MBD5: variants seen among roughly 807,000 people sequenced by gnomAD.
MBD5 encodes methyl-CpG binding domain protein 5.
A neutral mutation model predicts 117.3 loss-of-function variants in MBD5; 13 were observed. That is an observed-to-expected ratio of 0.11 (90% CI 0.07 to 0.18). The LOEUF (loss-of-function observed/expected upper bound fraction) is 0.18, where lower values mean the gene tolerates loss of function less well. MBD5 is among the 10% of genes least tolerant of loss of function. The probability of loss-of-function intolerance (pLI) is 1.00; values close to 1 mark genes in which losing one functional copy is unlikely to be tolerated. For missense variants in MBD5, 1,879 were observed against 2,093.8 expected (o/e 0.90, Z 2.00); for synonymous variants, 727 against 766.4 (o/e 0.95, Z 0.85).
Position 148,510,988 on chromosome 2 carries a change from T to C in MBD5, c.5112+853T>C, listed in dbSNP as rs368071430. ...GACAGCAGTTGGAATGGATGAGAAA[T>C]GCCAGTGAAGATCCATGGGTTAGGG... On this transcript the variant is annotated intron_variant, in intron 13 of 13. Transcript: ENST00000642680. Among the ~76,000 whole-genome samples the C allele has an allele frequency of 5.9e-5, 9 of 152,240 alleles. No homozygotes were observed. In the East Asian group the frequency reaches 1.7e-3, roughly 29 times the overall value.
chr2:148,280,146 A>AAAC (rs1553493547), intron 3 of MBD5, among the ~76,000 whole-genome samples: 6 of 150,526 alleles, frequency 4.0e-5, no homozygotes, highest in Non-Finnish European at 5.9e-5. Flanking sequence ...AAAAAAAAAA[A>AAAC]AAAACAAAAA....
intron 2 of MBD5, among the ~76,000 whole-genome samples, chr2:148,182,557 C>T (rs748316165): frequency 3.9e-5 from 6 of 152,156 alleles, no homozygotes; most frequent in Non-Finnish European, 5.9e-5. Flanking sequence ...ATGAGATGTG[C>T]ATGTTTGCTC....
intron 4 of MBD5, among the ~76,000 whole-genome samples, chr2:148,413,231 T>A (rs1705317564): frequency 6.6e-6 from 1 of 152,188 alleles, no homozygotes; most frequent in South Asian, 2.1e-4. Context: ...CATGTGAATT[T>A]TATTTTTAGT....
intron 4 of MBD5, among the ~76,000 whole-genome samples, chr2:148,450,567 T>C (rs1008363966): frequency 6.6e-6 from 1 of 152,186 alleles, no homozygotes; most frequent in Admixed American, 6.6e-5. Flanking sequence ...TCTCTTTACA[T>C]GGTCTCTCAT....
At chr2:148,045,866 C>A (rs1694510962) in intron 1 of MBD5, among the ~76,000 whole-genome samples, 1 of 151,798 alleles carries the variant, frequency 6.6e-6, no homozygotes, top group African/African-American at 2.4e-5. Flanking sequence ...CCCTCTTAAT[C>A]CTAGAATGGA....
intron 1 of MBD5, among the ~76,000 whole-genome samples, chr2:148,077,134 C>T (rs1695528968): frequency 6.6e-6 from 1 of 152,214 alleles, no homozygotes; most frequent in African/African-American, 2.4e-5. Context: ...AAATTTGAAG[C>T]TCTTCAAACT....
chr2:148,265,792 G>A (rs780016948), intron 3 of MBD5, among the ~76,000 whole-genome samples: 2 of 152,034 alleles, frequency 1.3e-5, no homozygotes, highest in Non-Finnish European at 2.9e-5. Context: ...TTTGTTCAAC[G>A]AGTATTTTTG....
At chr2:148,077,862 T>G (rs1449502383) in intron 1 of MBD5, among the ~76,000 whole-genome samples, 3 of 152,110 alleles carry the variant, frequency 2.0e-5, no homozygotes, top group Non-Finnish European at 4.4e-5. Context: ...ATACATAATA[T>G]ACTCTCATAT....
rs564178969 is a variant in MBD5, at chr2:148,319,982, G to A, written c.-679-22232G>A. 5.3e-4 allele frequency among the ~76,000 whole-genome samples: 81 copies of A among 152,220 alleles called. 1 individual carries two copies. Among genetic ancestry groups the A allele is most frequent in the African/African-American group, 1.9e-3 (81 of 41,544 alleles). On this transcript the variant is annotated intron_variant, in intron 3 of 13. Coordinates refer to ENST00000642680, the MANE Select transcript of MBD5 (RefSeq NM_001378120.1). Reference sequence around the variant, plus strand: ...TCATGAAGGGATGCTGAATTTTATTGAATGCCTTTTCTGCATCTATTAAGA... The same window carrying A: ...TCATGAAGGGATGCTGAATTTTATTAAATGCCTTTTCTGCATCTATTAAGA...
intron 1 of MBD5, among the ~76,000 whole-genome samples, chr2:148,162,744 A>G (rs1698039283): frequency 6.6e-6 from 1 of 152,214 alleles, no homozygotes; most frequent in Non-Finnish European, 1.5e-5. Context: ...AAAAAAGAAT[A>G]TAATTCTAAC....
At chr2:148,502,335 C>T (rs1347185994) in intron 11 of MBD5, 101 bp from the exon 12 acceptor site, 1 of 1,024,788 alleles carries the variant, frequency 9.8e-7, no homozygotes, top group Non-Finnish European at 1.5e-6. Flanking sequence ...AGGCTCCCCT[C>T]CCCGCCAGTG....
At chr2:148,179,218 G>A (rs1698460911) in intron 2 of MBD5, among the ~76,000 whole-genome samples, 1 of 151,982 alleles carries the variant, frequency 6.6e-6, no homozygotes, top group Non-Finnish European at 1.5e-5. Flanking sequence ...AGGCGGGCGT[G>A]GTGGCAGGCG....
At chr2:148,348,536 A>G (rs1446454921) in intron 4 of MBD5, among the ~76,000 whole-genome samples, 1 of 152,078 alleles carries the variant, frequency 6.6e-6, no homozygotes, top group Non-Finnish European at 1.5e-5. Flanking sequence ...TTGCTGCTAC[A>G]TAAATTATAG....
chr2:148,212,997 A>T (rs1699463853), intron 2 of MBD5, among the ~76,000 whole-genome samples: 1 of 152,178 alleles, frequency 6.6e-6, no homozygotes, highest in Non-Finnish European at 1.5e-5. Flanking sequence ...TCTACATGAT[A>T]ACAGTGGCTT....
At position 148,069,662 on chromosome 2, in the gene MBD5, T is replaced by C. The variant is rs113539649; in HGVS notation, c.-925+47978T>C. On this transcript the variant is annotated intron_variant, in intron 1 of 13. Transcript: ENST00000642680. ...ACTTTTCCCTGACCTTTTTAATGTC[T>C]TAATTAATTAATTAATTAATTAAAA... is the stretch of plus-strand genomic sequence containing the variant. Among the ~76,000 whole-genome samples the C allele has an allele frequency of 3.0e-3, 433 of 144,124 alleles. 1 individual carries two copies. The highest frequency in any genetic ancestry group is 0.012 in the African/African-American group (423 of 36,068). The allele number at this position is 144,124 out of a possible 152,430, so 94.6% of individuals were successfully genotyped here. A position where few individuals can be genotyped will look rare whatever the true frequency, so the allele number is the denominator to read the frequency against.
chr2:148,263,765 T>A (rs190445142), intron 3 of MBD5, among the ~76,000 whole-genome samples: 253 of 152,310 alleles, frequency 1.7e-3, no homozygotes, highest in African/African-American at 5.8e-3. Context: ...AAATCCTACA[T>A]TAGTGTGTCT....
chr2:148,338,348 A>G (rs2105113757), intron 3 of MBD5, among the ~76,000 whole-genome samples: 1 of 152,254 alleles, frequency 6.6e-6, no homozygotes, highest in African/African-American at 2.4e-5. Flanking sequence ...TTTAATCTAA[A>G]AAAAAAAATT....
Position 148,483,951 on chromosome 2 carries a change from C to G in MBD5, c.3360C>G (p.Thr1120=), listed in dbSNP as rs1396716051. The G allele has an allele frequency of 6.4e-7, 1 of 1,550,486 alleles. No individual in the cohort carries two copies. Among genetic ancestry groups the G allele is most frequent in the Admixed American group, 2.0e-5 (1 of 50,990 alleles). The change falls in exon 9 of 14, where the codon ACC becomes ACG. Residue 1120 remains threonine (T), a synonymous_variant. Coordinates refer to ENST00000642680, the MANE Select transcript of MBD5 (RefSeq NM_001378120.1). ...ATSSQATTTT[T]TTSSAVAALT... ...CCTCCCAGGCAACCACTACCACAAC[C>G]ACTACATCATCAGCAGTGGCAGCAC... is the stretch of plus-strand genomic sequence containing the variant.
At chr2:148,319,296 G>T (rs757126471) in intron 3 of MBD5, among the ~76,000 whole-genome samples, 6 of 152,028 alleles carry the variant, frequency 3.9e-5, no homozygotes, top group East Asian at 1.9e-4. Flanking sequence ...GTGAAAAATG[G>T]TGCTGCTAAT....
Sources: gnomAD v4.1 joint callset for allele counts (sites outside exome capture counted in the v4.1 genomes callset) on GRCh38, gnomAD v4.1.1 for gene constraint, MANE v1.5 for transcripts, NCBI Gene and HGNC (gene_info 2026-07-23, HGNC 2026-07-21) for gene names.